The following ABR variants were observed in gnomAD, a reference collection of about 807,000 sequenced individuals.
ABR encodes the protein ABR activator of RhoGEF and GTPase, also known as active breakpoint cluster region-related protein.
ABR carries 35 observed loss-of-function variants against 107.2 expected under a neutral mutation model. That is an observed-to-expected ratio of 0.33 (90% CI 0.25 to 0.43). The LOEUF (loss-of-function observed/expected upper bound fraction) is 0.43. Among genes scored for constraint, ABR ranks in the 20% least tolerant of loss-of-function variants. The pLI, the probability that ABR is intolerant of heterozygous loss-of-function variation, is 1.00. For synonymous variants in ABR, 498 were observed against 462.0 expected, an observed-to-expected ratio of 1.08 and a Z score of -1.00; for missense variants, 815 against 1,115.2, an observed-to-expected ratio of 0.73 and a Z score of 3.83.
chr17:1,199,500 G>GA (rs2042633176), intron 1 of ABR, among the ~76,000 whole-genome samples: 1 of 151,130 alleles, frequency 6.6e-6, no homozygotes, highest in South Asian at 2.1e-4. Context: ...ATTTTTGGGG[G>GA]TGGAAGGGAG....
Position 1,037,256 on chromosome 17 carries a change from C to T in ABR, c.1791+12794G>A, listed in dbSNP as rs2073267375. Among the ~76,000 whole-genome samples the T allele has an allele frequency of 6.6e-6, 1 of 152,240 alleles. No homozygotes were observed. Among genetic ancestry groups the T allele is most frequent in the Non-Finnish European group, 1.5e-5 (1 of 68,044 alleles). On this transcript the variant is annotated intron_variant, in intron 16 of 22. Coordinates refer to ENST00000302538, the MANE Select transcript of ABR (RefSeq NM_021962.5). The surrounding 1 kb of genome is among the most constrained non-coding windows in gnomAD (Gnocchi z 4.6). ...ACCTAGGCCTGCCCAAGGTAACCTGCTGTCCTCCCAACTCCCCAAAGGCCT... is the reference window on the plus strand; with the variant it reads ...ACCTAGGCCTGCCCAAGGTAACCTGTTGTCCTCCCAACTCCCCAAAGGCCT...
At chr17:1,149,299 G>T (rs1004565614) in intron 1 of ABR, among the ~76,000 whole-genome samples, 4 of 152,118 alleles carry the variant, frequency 2.6e-5, no homozygotes, top group African/African-American at 9.7e-5. Context: ...ACCCCCCCAT[G>T]GGTATCGACA....
chr17:1,167,094 T>G (rs1455025349), intron 1 of ABR, among the ~76,000 whole-genome samples: 1 of 151,864 alleles, frequency 6.6e-6, no homozygotes, highest in Non-Finnish European at 1.5e-5. Context: ...GCACGGGGGC[T>G]GGGGGACCCC....
intron 16 of ABR, among the ~76,000 whole-genome samples, chr17:1,043,464 C>G (rs949704788): frequency 1.3e-5 from 2 of 152,142 alleles, no homozygotes. Flanking sequence ...CCACCGCGCC[C>G]GGCCCCTAAA....
chr17:1,179,617 T>C lies in ABR; in HGVS notation c.61+50A>G, dbSNP rs2042050390. On this transcript the variant is annotated intron_variant, in intron 1 of 22. Transcript: ENST00000302538. This position sits in a 1 kb window ranked among gnomAD's most constrained non-coding sequence, Gnocchi z 4.9. ...GATCCTGGGGTCCCGATCTCCATCC[T>C]GGGGTCCCGATCCCGATCCTGGGGT... is the stretch of plus-strand genomic sequence containing the variant. 3 of 1,458,742 alleles carry C rather than the reference T, an allele frequency of 2.1e-6. No homozygotes were observed. The highest frequency in any genetic ancestry group is 5.7e-5 in the East Asian group (2 of 35,100). The allele number at this position is 1,458,742 out of a possible 1,614,324, so 90.4% of individuals were successfully genotyped here. A position where few individuals can be genotyped will look rare whatever the true frequency, so the allele number is the denominator to read the frequency against.
At chr17:1,188,584 G>T (rs1001703022), upstream of ABR, among the ~76,000 whole-genome samples, 3 of 151,976 alleles carry the variant, frequency 2.0e-5, no homozygotes, top group Non-Finnish European at 2.9e-5. Context: ...ATAACTAGGG[G>T]TCGCTACTAG....
intron 1 of ABR, among the ~76,000 whole-genome samples, chr17:1,201,550 C>T (rs1364513793): frequency 1.3e-5 from 2 of 152,102 alleles, no homozygotes; most frequent in East Asian, 1.9e-4. Context: ...ACAGGCCCCC[C>T]GATGCCGAAG....
At chr17:1,169,614 G>A (rs1407271284) in intron 1 of ABR, among the ~76,000 whole-genome samples, 2 of 152,134 alleles carry the variant, frequency 1.3e-5, no homozygotes, top group Admixed American at 6.5e-5. Context: ...CTCTGGGCTC[G>A]AGGGCCGTCG....
rs71358532 is a variant in ABR at position 1,118,278 on chromosome 17, C to T, written c.246+6905G>A. On this transcript the variant is annotated intron_variant, in intron 2 of 22. Transcript: ENST00000302538. Reference sequence around the variant, plus strand: ...CCCAGCGTTATCCCTGAGCCTGAGTCCTCCCCAGCGTTATCCCTGAGCCTG... The same window carrying T: ...CCCAGCGTTATCCCTGAGCCTGAGTTCTCCCCAGCGTTATCCCTGAGCCTG... Among the ~76,000 whole-genome samples the T allele has an allele frequency of 2.3e-3, 95 of 41,882 alleles. 2 individuals are homozygous for T. Among genetic ancestry groups the T allele is most frequent in the Admixed American group, 3.9e-3 (14 of 3,552 alleles). The allele number at this position is 41,882 out of a possible 152,430, so 27.5% of individuals were successfully genotyped here.
At chr17:1,182,534 ATTTTTGTATTTTTAGTAGAGACGGG>A (rs2042168739), upstream of ABR, among the ~76,000 whole-genome samples, 1 of 151,962 alleles carries the variant, frequency 6.6e-6, no homozygotes, top group Non-Finnish European at 1.5e-5. Flanking sequence ...CGCCTGGCTA[ATTTTTGTATTTTTAGTAGAGACGGG>A]GTTTCACCTT....
chr17:1,078,958 C>CGCACGGACTCCA lies in ABR; in HGVS notation c.700+360_700+371dup. On this transcript the variant is annotated intron_variant, in intron 6 of 22. Transcript: ENST00000302538. This position sits in a 1 kb window ranked among gnomAD's most constrained non-coding sequence, Gnocchi z 7.5. ...CACTCAGCCACCTTGCTGATGCTGC[C>CGCACGGACTCCA]GCACGGACTCCAGCATCGGGCAGCC... 9 of 1,517,772 alleles carry CGCACGGACTCCA rather than the reference C, an allele frequency of 5.9e-6. No individual in the cohort carries two copies. The highest frequency in any genetic ancestry group is 7.0e-6 in the Non-Finnish European group (8 of 1,136,140). The allele number at this position is 1,517,772 out of a possible 1,614,324, so 94.0% of individuals were successfully genotyped here. A position where few individuals can be genotyped will look rare whatever the true frequency, so the allele number is the denominator to read the frequency against.
intron 16 of ABR, chr17:1,031,713 C>T (rs1410094879): frequency 4.0e-6 from 5 of 1,249,022 alleles, no homozygotes; most frequent in Non-Finnish European, 5.0e-6. Context: ...CTTCGGGCTG[C>T]AGTCGGGCTG....
chr17:1,155,991 A>T (rs1240332888), intron 1 of ABR: 1 of 146,806 alleles, frequency 6.8e-6, no homozygotes, highest in Non-Finnish European at 1.5e-5. Flanking sequence ...GGTGGCAGGT[A>T]GGTGGGTGAC....
At chr17:1,113,246 C>T (rs1270764507) in intron 2 of ABR, among the ~76,000 whole-genome samples, 2 of 133,506 alleles carry the variant, frequency 1.5e-5, no homozygotes, top group Admixed American at 7.6e-5. Context: ...TGCCACTTTT[C>T]TGGAAGGGAT....
At chr17:1,180,493 C>G (rs901606217), upstream of ABR, among the ~76,000 whole-genome samples, 1 of 152,078 alleles carries the variant, frequency 6.6e-6, no homozygotes. Context: ...CCGTTCCCGC[C>G]ACACATGGAG....
intron 1 of ABR, among the ~76,000 whole-genome samples, chr17:1,203,486 GC>G (rs1239481518): frequency 1.1e-5 from 1 of 89,570 alleles, no homozygotes; most frequent in East Asian, 3.8e-4. Flanking sequence ...CGGGGGCGGG[GC>G]CCGCGGGGAC....
chr17:1,023,696 C>T (rs1322353915), intron 16 of ABR, among the ~76,000 whole-genome samples: 1 of 152,190 alleles, frequency 6.6e-6, no homozygotes, highest in Non-Finnish European at 1.5e-5. Context: ...CCTCCATGGG[C>T]TCTGAAGCCT....
Position 1,051,373 on chromosome 17 carries a change from C to T in ABR, c.1562-739G>A, listed in dbSNP as rs903873236. ...GGGAACCCAGCTGGCACACGGTGAA[C>T]GAGGCTCCCACCACCACCAAGCGCT... On this transcript the variant is annotated intron_variant, in intron 14 of 22. Coordinates refer to ENST00000302538, the MANE Select transcript of ABR (RefSeq NM_021962.5). This position sits in a 1 kb window ranked among gnomAD's most constrained non-coding sequence, Gnocchi z 4.3. Among the ~76,000 whole-genome samples the T allele has an allele frequency of 2.7e-5, 4 of 150,554 alleles. No individual in the cohort carries two copies. The highest frequency in any genetic ancestry group is 2.1e-4 in the South Asian group (1 of 4,664).
At chr17:1,012,155 A>G in intron 18 of ABR, 170 bp from the exon 19 acceptor site, 1 of 1,084,382 alleles carries the variant, frequency 9.2e-7, no homozygotes. Flanking sequence ...CACCCCAGCC[A>G]GCCCACCCGA....
Sources: gnomAD v4.1 joint callset for allele counts (sites outside exome capture counted in the v4.1 genomes callset) on GRCh38, gnomAD v4.1.1 for gene constraint, Gnocchi (gnomAD v3.1) non-coding constraint, MANE v1.5 for transcripts, NCBI Gene and HGNC (gene_info 2026-07-23, HGNC 2026-07-21) for gene names.